The following KIF21A variants were observed in gnomAD, a reference collection of about 807,000 sequenced individuals.
KIF21A encodes kinesin-like protein KIF21A.
A neutral mutation model predicts 202.9 loss-of-function variants in KIF21A; 114 were observed. The ratio of observed to expected loss-of-function variants is 0.56; its 90% confidence interval spans 0.48 to 0.66. The LOEUF is 0.66. Among genes scored for constraint, KIF21A ranks in the 30% least tolerant of loss-of-function variants. KIF21A has a pLI of 0.00. For synonymous variants in KIF21A, 667 were observed against 670.8 expected, an observed-to-expected ratio of 0.99 and a Z score of 0.09; for missense variants, 1,677 against 1,994.9, an observed-to-expected ratio of 0.84 and a Z score of 3.04.
intron 1 of KIF21A, among the ~76,000 whole-genome samples, chr12:39,416,739 A>ATATATATATGCACATATATATGTG (rs1566268858): frequency 3.8e-5 from 3 of 78,772 alleles, no homozygotes; most frequent in Non-Finnish European, 6.7e-5. Context: ...ATATATGTGT[A>ATATATATATGCACATATATATGTG]TATATATATG....
chr12:39,318,219 C>T lies in KIF21A; in HGVS notation c.3780-18G>A, dbSNP rs766877910. ...AATCTGAGCTACAAGAAAAAAAGAA[C>T]ATTAAGTAGGTGGCTTTAATTGGTT... On this transcript the variant is annotated intron_variant, in intron 28 of 37. Transcript: ENST00000361418. 1.2e-6 allele frequency: 2 copies of T among 1,611,092 alleles called. No individual in the cohort carries two copies. The highest frequency in any genetic ancestry group is 1.7e-6 in the Non-Finnish European group (2 of 1,177,798).
intron 2 of KIF21A, 60 bp downstream of exon 2, chr12:39,369,978 GC>G: frequency 6.3e-7 from 1 of 1,589,410 alleles, no homozygotes; most frequent in South Asian, 1.1e-5. Context: ...AAAAATGAAA[GC>G]GCAACTGAAT....
chr12:39,442,939 C>A lies in KIF21A; in HGVS notation c.32G>T (p.Arg11Leu). ...AGACTGTCCTCACCTGACAGCCACC[C>A]GCACGGAGCTCTCGTCCGGGGCGCC... MLGAPDESSVRVAVRIRPQLA... is the reference protein window; with the variant it reads MLGAPDESSVLVAVRIRPQLA... Residue 11 changes from arginine (R) to leucine (L), a missense_variant, in exon 1 of 38, where the codon CGG becomes CTG. Arg to Leu is a moderately radical substitution (Grantham distance 102, BLOSUM62 -2). This residue lies in a region of KIF21A where 966 missense variants were observed against 1,180.9 expected (regional missense o/e 0.82). Coordinates refer to ENST00000361418, the MANE Select transcript of KIF21A (RefSeq NM_001173464.2). The surrounding 1 kb of genome is among the most constrained non-coding windows in gnomAD (Gnocchi z 5.0). The A allele has an allele frequency of 6.6e-7, 1 of 1,524,380 alleles. No individual in the cohort carries two copies. Among genetic ancestry groups the A allele is most frequent in the Non-Finnish European group, 8.8e-7 (1 of 1,142,806 alleles). The allele number at this position is 1,524,380 out of a possible 1,614,324, so 94.4% of individuals were successfully genotyped here. A position where few individuals can be genotyped will look rare whatever the true frequency, so the allele number is the denominator to read the frequency against.
At chr12:39,416,882 T>TATATATGTGTATATATAGATATGTAC (rs2140156811) in intron 1 of KIF21A, among the ~76,000 whole-genome samples, 2 of 144,774 alleles carry the variant, frequency 1.4e-5, no homozygotes, top group African/African-American at 5.3e-5. Context: ...GATATGTACA[T>TATATATGTGTATATATAGATATGTAC]ATATATATGT....
At chr12:39,392,185 CATTA>C (rs1370062268) in intron 1 of KIF21A, among the ~76,000 whole-genome samples, 1 of 152,196 alleles carries the variant, frequency 6.6e-6, no homozygotes, top group Non-Finnish European at 1.5e-5. Flanking sequence ...GAGAGAGCAA[CATTA>C]GTTAGAGCTA....
In KIF21A at chr12:39,307,582, C is replaced by T. The variant is rs777201628; in HGVS notation, c.4425G>A (p.Arg1475=). The T allele has an allele frequency of 1.6e-5, 26 of 1,613,998 alleles. No homozygotes were observed. Among genetic ancestry groups the T allele is most frequent in the Non-Finnish European group, 2.2e-5 (26 of 1,179,980 alleles). The change falls in exon 34 of 38, where the codon AGG becomes AGA. Residue 1475 remains arginine, a synonymous_variant. Coordinates refer to ENST00000361418, the MANE Select transcript of KIF21A (RefSeq NM_001173464.2). ...FLYAASGNAV[R]MWDLKRFQST... ...ATATCTACCTTTTAAGATCCCACAT[C>T]CTGACAGCATTTCCAGAAGCAGCAT...
chr12:39,340,117 C>T, intron 16 of KIF21A, 48 bp downstream of exon 16: 2 of 1,465,900 alleles, frequency 1.4e-6, no homozygotes, highest in Non-Finnish European at 1.9e-6. Flanking sequence ...TCCCAAATGA[C>T]AAAATCATAC....
intron 1 of KIF21A, among the ~76,000 whole-genome samples, chr12:39,420,297 TAA>T (rs1168630937): frequency 4.0e-5 from 6 of 150,106 alleles, no homozygotes; most frequent in Non-Finnish European, 8.9e-5. Flanking sequence ...TATGGGAGAG[TAA>T]AGAGGTAACA....
intron 33 of KIF21A, among the ~76,000 whole-genome samples, chr12:39,308,833 G>A (rs1330873247): frequency 6.6e-6 from 1 of 151,994 alleles, no homozygotes; most frequent in East Asian, 1.9e-4. Context: ...CTTGTATTCA[G>A]TAAAAAGAAT....
At chr12:39,437,852 T>A (rs1243109441) in intron 1 of KIF21A, among the ~76,000 whole-genome samples, 2 of 152,220 alleles carry the variant, frequency 1.3e-5, no homozygotes, top group Admixed American at 1.3e-4. Flanking sequence ...AATAACCATC[T>A]ATTTCCATAA....
chr12:39,294,436 A>G lies in KIF21A; in HGVS notation c.5013T>C (p.Ile1671=), dbSNP rs746938384. The G allele has an allele frequency of 6.2e-7, 1 of 1,611,496 alleles. No homozygotes were observed. Among genetic ancestry groups the G allele is most frequent in the Non-Finnish European group, 8.5e-7 (1 of 1,177,636 alleles). Residue 1671 remains isoleucine (I), a synonymous_variant, in exon 38 of 38, where the codon ATT becomes ATC. Transcript: ENST00000361418. ...ISDTGDLGED[I]ASN is the part of the protein sequence containing the mutation. ...TCTTCATTCATGTTTAATTACTGGC[A>G]ATATCTTCCCCCAGATCTCCTGTGT...
chr12:39,351,728 C>A lies in KIF21A; in HGVS notation c.1673+49G>T, dbSNP rs1297575031. 6 of 1,142,738 alleles carry A rather than the reference C, an allele frequency of 5.3e-6. No homozygotes were observed. In the Admixed American group the frequency reaches 5.4e-5, roughly 10 times the overall value. 70.8% of individuals were successfully genotyped at this position (1,142,738 alleles called of 1,614,324 possible). ...CTCTTTATAATTGCAAATTAAAATA[C>A]CCTGAAAAGGAAATAGAGATTCATT... is the stretch of plus-strand genomic sequence containing the variant. On this transcript the variant is annotated intron_variant, in intron 11 of 37. Transcript: ENST00000361418.
intron 1 of KIF21A, among the ~76,000 whole-genome samples, chr12:39,423,320 G>A (rs188887212): frequency 2.6e-3 from 399 of 151,430 alleles, no homozygotes; most frequent in Non-Finnish European, 4.2e-3. Flanking sequence ...TTCCTCCAAA[G>A]ATCCCATATT....
At chr12:39,388,575 C>T (rs549592773) in intron 1 of KIF21A, among the ~76,000 whole-genome samples, 1 of 152,272 alleles carries the variant, frequency 6.6e-6, no homozygotes, top group Non-Finnish European at 1.5e-5. Context: ...GAGCCTTAGT[C>T]CCCAGCACTG....
intron 17 of KIF21A, 50 bp from the exon 18 acceptor site, chr12:39,333,330 A>C: frequency 1.6e-6 from 2 of 1,275,270 alleles, no homozygotes; most frequent in Non-Finnish European, 2.3e-6. Context: ...AAGATACAAT[A>C]TTTCCTATTC....
intron 1 of KIF21A, among the ~76,000 whole-genome samples, chr12:39,421,714 A>G (rs1049746262): frequency 4.6e-5 from 6 of 129,350 alleles, no homozygotes; most frequent in African/African-American, 1.8e-4. Flanking sequence ...ATAAATAAAT[A>G]TATATAATTT....
intron 1 of KIF21A, among the ~76,000 whole-genome samples, chr12:39,441,564 G>C (rs1939583130): frequency 6.9e-6 from 1 of 145,620 alleles, no homozygotes; most frequent in Non-Finnish European, 1.5e-5. Context: ...AATTGGATAA[G>C]TAGCCCTAGA....
At chr12:39,361,001 G>A (rs1181005782) in intron 7 of KIF21A, among the ~76,000 whole-genome samples, 1 of 152,156 alleles carries the variant, frequency 6.6e-6, no homozygotes, top group Non-Finnish European at 1.5e-5. Flanking sequence ...AAAAATTGAG[G>A]CACACGAAGA....
At chr12:39,433,769 G>C (rs1397196441) in intron 1 of KIF21A, among the ~76,000 whole-genome samples, 1 of 152,172 alleles carries the variant, frequency 6.6e-6, no homozygotes, top group Non-Finnish European at 1.5e-5. Flanking sequence ...GGATGAATTT[G>C]ATAGAGTAGA....
Sources: allele counts gnomAD v4.1 joint callset (sites outside exome capture counted in the v4.1 genomes callset), GRCh38; gene constraint gnomAD v4.1.1; regional missense constraint gnomAD v4.1.1; non-coding constraint Gnocchi (gnomAD v3.1); transcripts MANE v1.5; gene names NCBI Gene and HGNC (gene_info 2026-07-23, HGNC 2026-07-21).